KIF2A: variants seen among roughly 807,000 people sequenced by gnomAD.
KIF2A encodes the protein kinesin-like protein KIF2A.
In KIF2A, 22 loss-of-function variants were observed where a neutral mutation model predicts 100.2. The ratio of observed to expected loss-of-function variants is 0.22; its 90% CI spans 0.16 to 0.31. KIF2A has a LOEUF of 0.31. Ranked by LOEUF, KIF2A falls within the 10% of genes least tolerant of loss-of-function variation. KIF2A has a pLI of 1.00. For synonymous variants in KIF2A, 268 were observed against 285.9 expected, an observed-to-expected ratio of 0.94 and a Z score of 0.63; for missense variants, 495 against 898.7, an observed-to-expected ratio of 0.55 and a Z score of 5.74.
intron 1 of KIF2A, among the ~76,000 whole-genome samples, chr5:62,342,236 T>C (rs944564002): frequency 3.9e-5 from 6 of 152,064 alleles, no homozygotes; most frequent in African/African-American, 1.2e-4. Context: ...GTTGTAGAGA[T>C]GGTGATTGAT....
intron 1 of KIF2A, among the ~76,000 whole-genome samples, chr5:62,328,252 A>G (rs545188138): frequency 2.6e-5 from 4 of 152,004 alleles, no homozygotes; most frequent in African/African-American, 7.2e-5. Flanking sequence ...TAAGGCTAAT[A>G]GGTTTTGAGA....
At chr5:62,312,536 ATTTG>A (rs1304104903) in intron 1 of KIF2A, among the ~76,000 whole-genome samples, 61 of 152,068 alleles carry the variant, frequency 4.0e-4, no homozygotes, top group African/African-American at 1.3e-3. Context: ...GTGTTTGTTT[ATTTG>A]TTTGTTTGTT....
rs1263699065 is a variant in KIF2A, at chr5:62,386,796, A to G, written c.*1227A>G. ...TGGTGTAGGGCATGCTACTTTTTAA[A>G]CAGCAGCACTTATTTTTACAGATTG... is the stretch of plus-strand genomic sequence containing the variant. On this transcript the variant is annotated 3_prime_UTR_variant, in exon 21 of 21. Coordinates refer to ENST00000407818, the MANE Select transcript of KIF2A (RefSeq NM_001098511.3). 2.6e-5 allele frequency among the ~76,000 whole-genome samples: 4 copies of G among 152,240 alleles called. No homozygotes were observed. The highest frequency in any genetic ancestry group is 4.4e-5 in the Non-Finnish European group (3 of 68,040).
At position 62,308,579 on chromosome 5, in the gene KIF2A, T is replaced by G. The variant is rs909132360; in HGVS notation, c.64+2043T>G. On this transcript the variant is annotated intron_variant, in intron 1 of 20. Transcript: ENST00000407818. The stretch of plus-strand genomic sequence containing the variant: ...ATGTGTGTGTATAGACAATGTACAA[T>G]GGAACATTATTCAGCCTTAAAAAAG... 91 of 701,982 alleles carry G rather than the reference T, an allele frequency of 1.3e-4. 1 individual carries two copies. Among genetic ancestry groups the G allele is most frequent in the Non-Finnish European group, 1.1e-4 (43 of 384,698 alleles). The allele number at this position is 701,982 out of a possible 1,614,324, so 43.5% of individuals were successfully genotyped here.
rs1464801498 is a variant in KIF2A, at chr5:62,306,295, G to A, written c.-178G>A. On this transcript the variant is annotated 5_prime_UTR_variant, in exon 1 of 21. Coordinates refer to ENST00000407818, the MANE Select transcript of KIF2A (RefSeq NM_001098511.3). ...CCTCCTGCCGGCCTGCAGGCCCGGG[G>A]CCTCCGCCTGCTTCCCCACAGCTGC... 3.5e-6 allele frequency: 2 copies of A among 571,312 alleles called. No individual in the cohort carries two copies. The highest frequency in any genetic ancestry group is 3.1e-6 in the Non-Finnish European group (1 of 323,202). 35.4% of individuals were successfully genotyped at this position (571,312 alleles called of 1,614,324 possible).
At chr5:62,367,980 T>C (rs867233911) in intron 16 of KIF2A, among the ~76,000 whole-genome samples, 2 of 152,352 alleles carry the variant, frequency 1.3e-5, no homozygotes, top group Middle Eastern at 3.4e-3. Flanking sequence ...TCCTATATCT[T>C]TGTTTTAATC....
chr5:62,372,844 TAAAAG>T (rs1420607161), intron 17 of KIF2A, among the ~76,000 whole-genome samples: 1 of 152,196 alleles, frequency 6.6e-6, no homozygotes, highest in Non-Finnish European at 1.5e-5. Flanking sequence ...ATCGAATTGT[TAAAAG>T]ATAAATTATC....
chr5:62,313,154 C>T (rs78015367), intron 1 of KIF2A, among the ~76,000 whole-genome samples: 3,847 of 152,210 alleles, frequency 0.025, 74 homozygotes, highest in Non-Finnish European at 0.037. Context: ...ATAAGTGATT[C>T]ATCTATAGTG....
At position 62,373,816 on chromosome 5, in the gene KIF2A, A is replaced by T; in HGVS notation, c.1890A>T (p.Leu630=). ...GVGSSPQRDD[L]KLLCEQNEEE... ...GGAGTTCCCCTCAGAGAGATGATCT[A>T]AAACTTCTTTGTGAACAAAATGTGA... is the stretch of plus-strand genomic sequence containing the variant. Residue 630 remains leucine (L), a synonymous_variant, in exon 18 of 21, where the codon CTA becomes CTT. Coordinates refer to ENST00000407818, the MANE Select transcript of KIF2A (RefSeq NM_001098511.3). 6.2e-7 allele frequency: 1 copy of T among 1,612,088 alleles called. No homozygotes were observed.
In KIF2A at chr5:62,385,554, A is replaced by G. The variant is rs756807567; in HGVS notation, c.2220A>G (p.Arg740=). Residue 740 remains arginine, a synonymous_variant, in exon 21 of 21, where the codon AGA becomes AGG. Transcript: ENST00000407818. ...EQASKQINPK[R]PRAL is the part of the protein sequence containing the mutation. ...CCAGCAAGCAAATCAACCCGAAGAG[A>G]CCCCGTGCCCTTTAAACCGGCATTT... The G allele has an allele frequency of 1.3e-6, 2 of 1,592,232 alleles. No individual in the cohort carries two copies. The highest frequency in any genetic ancestry group is 1.7e-6 in the Non-Finnish European group (2 of 1,168,804).
chr5:62,361,501 T>C lies in KIF2A; in HGVS notation c.999T>C (p.Asp333=). Residue 333 remains aspartate (D), a synonymous_variant, in exon 11 of 21, where the codon GAT becomes GAC. Coordinates refer to ENST00000407818, the MANE Select transcript of KIF2A (RefSeq NM_001098511.3). ...GTGACTTTTCAGGAAAGAACCAAGATTGTTCTAAAGGAATTTATGCATTAG... is the reference window on the plus strand; with the variant it reads ...GTGACTTTTCAGGAAAGAACCAAGACTGTTCTAAAGGAATTTATGCATTAG... ...MGGDFSGKNQ[D]CSKGIYALAA... 1 of 1,585,722 alleles carries C rather than the reference T, an allele frequency of 6.3e-7. No homozygotes were observed. The highest frequency in any genetic ancestry group is 8.7e-7 in the Non-Finnish European group (1 of 1,155,362).
At chr5:62,380,315 T>C (rs1396507948) in intron 19 of KIF2A, among the ~76,000 whole-genome samples, 1 of 152,226 alleles carries the variant, frequency 6.6e-6, no homozygotes, top group African/African-American at 2.4e-5. Context: ...ATGCACATTC[T>C]TCCCGTTTTA....
At chr5:62,338,765 A>G (rs1011520536) in intron 1 of KIF2A, among the ~76,000 whole-genome samples, 2 of 152,224 alleles carry the variant, frequency 1.3e-5, no homozygotes, top group Non-Finnish European at 2.9e-5. Context: ...ATGAAAAGAT[A>G]AGCCACAACT....
rs1001246264 is a variant in KIF2A at position 62,328,318 on chromosome 5, T to TG, written c.65-18810dup. On this transcript the variant is annotated intron_variant, in intron 1 of 20. Transcript: ENST00000407818. Reference sequence around the variant, plus strand: ...ATGAAGTGTTATTTCTAGTACTGTGTGGTTTTTTTTTTTTTTACATTGTTA... The same window carrying TG: ...ATGAAGTGTTATTTCTAGTACTGTGTGGGTTTTTTTTTTTTTTACATTGTTA... 1.1e-4 allele frequency among the ~76,000 whole-genome samples: 6 copies of TG among 53,352 alleles called. 1 individual carries two copies. Among genetic ancestry groups the TG allele is most frequent in the Admixed American group, 5.2e-4 (3 of 5,778 alleles). 35.0% of individuals were successfully genotyped at this position (53,352 alleles called of 152,430 possible).
chr5:62,311,781 A>G (rs1403009770), intron 1 of KIF2A: 1 of 152,234 alleles, frequency 6.6e-6, no homozygotes, highest in Admixed American at 6.5e-5. Context: ...CCTGAGGACT[A>G]GGACGATAAT....
chr5:62,373,331 A>G (rs1197027591), intron 17 of KIF2A, among the ~76,000 whole-genome samples: 2 of 152,048 alleles, frequency 1.3e-5, no homozygotes, highest in Non-Finnish European at 2.9e-5. Flanking sequence ...ATTTAATTGC[A>G]ATAACATCAA....
chr5:62,342,282 G>A (rs961683676), intron 1 of KIF2A, among the ~76,000 whole-genome samples: 12 of 152,162 alleles, frequency 7.9e-5, no homozygotes, highest in African/African-American at 2.4e-4. Context: ...GCTCCTCCCA[G>A]ATTGTGATGG....
chr5:62,377,858 C>A, intron 19 of KIF2A, 96 bp downstream of exon 19: 3 of 709,508 alleles, frequency 4.2e-6, no homozygotes, highest in Non-Finnish European at 6.9e-6. Flanking sequence ...TTAAAAAATA[C>A]TTGTTTGTAT....
intron 1 of KIF2A, among the ~76,000 whole-genome samples, chr5:62,327,545 A>G (rs375488748): frequency 1.3e-5 from 2 of 152,206 alleles, no homozygotes; most frequent in South Asian, 2.1e-4. Context: ...AGCCTACTTC[A>G]TATCTCCACT....
Sources: gnomAD v4.1 joint callset for allele counts (sites outside exome capture counted in the v4.1 genomes callset) on GRCh38, gnomAD v4.1.1 for gene constraint, MANE v1.5 for transcripts, NCBI Gene and HGNC (gene_info 2026-07-23, HGNC 2026-07-21) for gene names.